RARB: variants seen among roughly 807,000 people sequenced by gnomAD.
RARB encodes the protein HBV-activated protein.
RARB carries 17 observed loss-of-function variants against 51.9 expected under a neutral mutation model. The ratio of observed to expected loss-of-function variants is 0.33; its 90% CI spans 0.22 to 0.49. The LOEUF (loss-of-function observed/expected upper bound fraction) is 0.49. RARB is among the 20% of genes least tolerant of loss of function. The probability of loss-of-function intolerance (pLI) is 0.99; values close to 1 mark genes in which losing one functional copy is unlikely to be tolerated. For missense variants in RARB, 369 were observed against 550.8 expected (o/e 0.67, Z 3.30); for synonymous variants, 215 against 195.4 (o/e 1.10, Z -0.84).
At chr3:24,967,577 A>C (rs931616304) in intron 2 of RARB, among the ~76,000 whole-genome samples, 6 of 152,190 alleles carry the variant, frequency 3.9e-5, no homozygotes, top group African/African-American at 1.4e-4. Flanking sequence ...GTTGACTGAT[A>C]GTAAGAGCCT....
At chr3:24,986,204 G>C (rs1696791484) in intron 2 of RARB, among the ~76,000 whole-genome samples, 1 of 152,154 alleles carries the variant, frequency 6.6e-6, no homozygotes, top group Admixed American at 6.5e-5. Context: ...ACTAAGGCTG[G>C]AAATATGGAG....
chr3:25,547,371 T>A (rs1699659201), intron 3 of RARB, among the ~76,000 whole-genome samples: 1 of 152,198 alleles, frequency 6.6e-6, no homozygotes. Flanking sequence ...ACCATTGGAA[T>A]TTCAGCAGAC....
At chr3:24,856,776 C>T (rs1702641308) in intron 1 of RARB, among the ~76,000 whole-genome samples, 1 of 152,186 alleles carries the variant, frequency 6.6e-6, no homozygotes, top group East Asian at 1.9e-4. Flanking sequence ...GCCTTAATTT[C>T]CCCTCTGTGA....
chr3:25,203,776 T>G (rs1701457203), intron 5 of RARB, among the ~76,000 whole-genome samples: 1 of 152,276 alleles, frequency 6.6e-6, no homozygotes, highest in Non-Finnish European at 1.5e-5. Flanking sequence ...CTCTTCTGGC[T>G]TGTAGAGTTT....
At chr3:25,361,548 G>A (rs1474788751) in intron 5 of RARB, among the ~76,000 whole-genome samples, 1 of 152,166 alleles carries the variant, frequency 6.6e-6, no homozygotes, top group Non-Finnish European at 1.5e-5. Flanking sequence ...TGATCCTTTG[G>A]AGGAGAGGAG....
Position 25,238,960 on chromosome 3 carries a change from C to G in RARB, c.178+64385C>G, listed in dbSNP as rs111624143. Among the ~76,000 whole-genome samples the G allele has an allele frequency of 7.5e-3, 1,115 of 148,966 alleles. 13 individuals are homozygous for G. The highest frequency in any genetic ancestry group is 0.027 in the African/African-American group (1,062 of 38,800). ...CACCACTGCACTCCAGCCGGGGCAG[C>G]AGAGCAAGACTGTGTCTCAAAAAGT... On this transcript the variant is annotated intron_variant, in intron 5 of 11. Transcript: ENST00000383772.
At chr3:25,014,330 G>C (rs1483327227) in intron 2 of RARB, among the ~76,000 whole-genome samples, 1 of 152,034 alleles carries the variant, frequency 6.6e-6, no homozygotes, top group Non-Finnish European at 1.5e-5. Flanking sequence ...AAGAGTCTTG[G>C]AAGCTCCTGA....
chr3:25,398,096 A>T (rs1457365322), intron 5 of RARB, among the ~76,000 whole-genome samples: 1 of 152,126 alleles, frequency 6.6e-6, no homozygotes, highest in African/African-American at 2.4e-5. Flanking sequence ...TTTTTATTCC[A>T]TCTCAATTTA....
At chr3:24,993,722 C>T (rs1264411488) in intron 2 of RARB, among the ~76,000 whole-genome samples, 1 of 152,030 alleles carries the variant, frequency 6.6e-6, no homozygotes, top group Non-Finnish European at 1.5e-5. Context: ...TCTATGGTAT[C>T]AAAATTTTTT....
intron 1 of RARB, among the ~76,000 whole-genome samples, chr3:25,454,155 C>G (rs779107957): frequency 1.3e-5 from 2 of 152,188 alleles, no homozygotes; most frequent in Non-Finnish European, 2.9e-5. Flanking sequence ...ACTAAAATGT[C>G]TACACACGAG....
chr3:25,090,208 G>C (rs1699172240), intron 3 of RARB, among the ~76,000 whole-genome samples: 1 of 152,056 alleles, frequency 6.6e-6, no homozygotes, highest in Non-Finnish European at 1.5e-5. Flanking sequence ...TCATCAAAAA[G>C]AACTTCATTC....
In RARB at chr3:25,043,330, G is replaced by A. The variant is rs1460658787; in HGVS notation, c.-379-16795G>A. On this transcript the variant is annotated intron_variant, in intron 2 of 11. Coordinates refer to the RARB transcript ENST00000383772. ...TCTTAACAGACTCATTTATACGTGG[G>A]CCACATAAAATTTGCATTCTTACAC... 2.0e-5 allele frequency among the ~76,000 whole-genome samples: 3 copies of A among 152,114 alleles called. No individual in the cohort carries two copies. In the East Asian group the frequency reaches 5.8e-4, roughly 29 times the overall value.
intron 5 of RARB, among the ~76,000 whole-genome samples, chr3:25,190,448 T>C (rs1170789787): frequency 3.3e-5 from 5 of 152,152 alleles, no homozygotes; most frequent in Non-Finnish European, 7.3e-5. Context: ...AAAGTATTTC[T>C]AATCTTACTG....
chr3:25,149,078 ACTT>A (rs1229577306), intron 4 of RARB, among the ~76,000 whole-genome samples: 1 of 152,178 alleles, frequency 6.6e-6, no homozygotes, highest in African/African-American at 2.4e-5. Context: ...CTTTTTCTGA[ACTT>A]CTTCAAGAAG....
intron 5 of RARB, among the ~76,000 whole-genome samples, chr3:25,328,526 A>G (rs890979022): frequency 6.6e-6 from 1 of 152,240 alleles, no homozygotes; most frequent in Non-Finnish European, 1.5e-5. Flanking sequence ...TCTAAAAGAA[A>G]AAGTAAAAAT....
chr3:24,913,789 A>G (rs1695050968), intron 2 of RARB, among the ~76,000 whole-genome samples: 1 of 152,230 alleles, frequency 6.6e-6, no homozygotes. Flanking sequence ...AAGATTAAGG[A>G]TCAGGTCAAT....
intron 5 of RARB, among the ~76,000 whole-genome samples, chr3:25,219,032 C>T (rs1701890809): frequency 6.6e-6 from 1 of 152,140 alleles, no homozygotes; most frequent in African/African-American, 2.4e-5. Flanking sequence ...CTTTGTCAAC[C>T]CATCATGTGG....
At chr3:25,328,532 AAAAT>A (rs1704792526) in intron 5 of RARB, among the ~76,000 whole-genome samples, 1 of 152,208 alleles carries the variant, frequency 6.6e-6, no homozygotes, top group Admixed American at 6.5e-5. Context: ...AGAAAAAGTA[AAAAT>A]AAATAAGTGA....
At chr3:24,970,924 T>C (rs1378989139) in intron 2 of RARB, among the ~76,000 whole-genome samples, 2 of 152,152 alleles carry the variant, frequency 1.3e-5, no homozygotes, top group South Asian at 4.1e-4. Flanking sequence ...TTTTCTCTAA[T>C]GAGTCAGCTC....
Sources: gnomAD v4.1 joint callset for allele counts (sites outside exome capture counted in the v4.1 genomes callset) on GRCh38, gnomAD v4.1.1 for gene constraint, MANE v1.5 for transcripts, NCBI Gene and HGNC (gene_info 2026-07-23, HGNC 2026-07-21) for gene names.